CD1C: variants seen among roughly 807,000 people sequenced by gnomAD.
CD1C encodes the protein CD1c molecule.
A neutral mutation model predicts 39.4 loss-of-function variants in CD1C; 47 were observed. The ratio of observed to expected loss-of-function variants is 1.19; its 90% CI spans 0.94 to 1.52. The LOEUF (loss-of-function observed/expected upper bound fraction) is 1.52. Among genes scored for constraint, CD1C ranks in the 40% most tolerant of loss-of-function variants. The probability of loss-of-function intolerance (pLI) is 0.00; values close to 1 mark genes in which losing one functional copy is unlikely to be tolerated. For missense variants in CD1C, 417 were observed against 395.2 expected (o/e 1.06, Z -0.47); for synonymous variants, 165 against 150.8 (o/e 1.09, Z -0.69).
chr1:158,290,834 A>G (rs890923910), intron 1 of CD1C, among the ~76,000 whole-genome samples: 3 of 152,184 alleles, frequency 2.0e-5, no homozygotes, highest in African/African-American at 4.8e-5. Context: ...TGCAGATAGT[A>G]TGAACATCTC....
At position 158,294,202 on chromosome 1, in the gene CD1C, A is replaced by C. The variant is rs1241552879; in HGVS notation, c.*726A>C. On this transcript the variant is annotated 3_prime_UTR_variant, in exon 6 of 6. Transcript: ENST00000368170. ...CACAGAATACTTAAGAAAAGGAACA[A>C]GAGATTTGGTCCTCAGGGTTGGAGT... Among the ~76,000 whole-genome samples the C allele has an allele frequency of 6.6e-6, 1 of 152,236 alleles. No homozygotes were observed. The highest frequency in any genetic ancestry group is 1.5e-5 in the Non-Finnish European group (1 of 68,038).
intron 4 of CD1C, 74 bp downstream of exon 4, chr1:158,292,948 T>A: frequency 1.1e-5 from 16 of 1,435,754 alleles, no homozygotes; most frequent in Non-Finnish European, 1.5e-5. Context: ...ATTTTGAGGA[T>A]AGCAGACCTA....
chr1:158,293,362 C>A, intron 5 of CD1C, 60 bp downstream of exon 5: 1 of 1,591,534 alleles, frequency 6.3e-7, no homozygotes, highest in East Asian at 2.2e-5. Flanking sequence ...CCATTTTTCA[C>A]TCTCTTAGCT....
Position 158,291,231 on chromosome 1 carries a change from G to A in CD1C, c.159G>A (p.Leu53=). ...RGQGSGWLDE[L]QTHGWDSESG... is the part of the protein sequence containing the mutation. ...AGGGCTCAGGATGGCTGGACGAGTT[G>A]CAGACTCATGGCTGGGACAGTGAAT... Residue 53 remains leucine (L), a synonymous_variant, in exon 2 of 6, where the codon TTG becomes TTA. Coordinates refer to ENST00000368170, the MANE Select transcript of CD1C (RefSeq NM_001765.3). The A allele has an allele frequency of 6.2e-7, 1 of 1,614,058 alleles. No homozygotes were observed. Among genetic ancestry groups the A allele is most frequent in the Non-Finnish European group, 8.5e-7 (1 of 1,180,020 alleles).
chr1:158,294,555 C>A lies in CD1C; in HGVS notation c.*1079C>A, dbSNP rs1651165055. On this transcript the variant is annotated 3_prime_UTR_variant, in exon 6 of 6. Transcript: ENST00000368170. ...GTATAATTTATAGTAAAATTTGAAT[C>A]TTTAAGTGTACAGTTCTATTTATTT... 6.6e-6 allele frequency among the ~76,000 whole-genome samples: 1 copy of A among 152,056 alleles called. No individual in the cohort carries two copies. The highest frequency in any genetic ancestry group is 2.1e-4 in the South Asian group (1 of 4,820).
In CD1C at chr1:158,293,487, C is replaced by G. The variant is rs371524449; in HGVS notation, c.*11C>G. 1 of 1,614,132 alleles carries G rather than the reference C, an allele frequency of 6.2e-7. No homozygotes were observed. On this transcript the variant is annotated 3_prime_UTR_variant, in exon 6 of 6. Transcript: ENST00000368170. Reference sequence around the variant, plus strand: ...CAGGACATCCTGTGAGACTCTTCCCCCTGACTCCCCCATTGTGTTAAGAAC... The same window carrying G: ...CAGGACATCCTGTGAGACTCTTCCCGCTGACTCCCCCATTGTGTTAAGAAC...
chr1:158,290,999 TA>T, intron 1 of CD1C, 134 bp from the exon 2 acceptor site: 2 of 925,794 alleles, frequency 2.2e-6, no homozygotes, highest in African/African-American at 1.7e-5. Context: ...GGGCTCTGTG[TA>T]AGGAAAATGG....
chr1:158,294,297 C>G lies in CD1C; in HGVS notation c.*821C>G, dbSNP rs1310328682. On this transcript the variant is annotated 3_prime_UTR_variant, in exon 6 of 6. Coordinates refer to ENST00000368170, the MANE Select transcript of CD1C (RefSeq NM_001765.3). Reference sequence around the variant, plus strand: ...TAAAGGACTGTGTTATCTGAGATAGCCTTGGCTAAACTTTAGTCCCTTTAG... The same window carrying G: ...TAAAGGACTGTGTTATCTGAGATAGGCTTGGCTAAACTTTAGTCCCTTTAG... Among the ~76,000 whole-genome samples, 2 of 152,184 alleles carry G rather than the reference C, an allele frequency of 1.3e-5. No homozygotes were observed. Among genetic ancestry groups the G allele is most frequent in the South Asian group, 2.1e-4 (1 of 4,830 alleles).
In CD1C at chr1:158,293,443, G is replaced by A; in HGVS notation, c.981-12G>A. On this transcript the variant is annotated splice_polypyrimidine_tract_variant and intron_variant, in intron 5 of 5. Transcript: ENST00000368170. Reference sequence around the variant, plus strand: ...CTTATTCAGGGTTTCTCCCATTCCTGTTCCTTCACAGCTCATATCAGGACA... The same window carrying A: ...CTTATTCAGGGTTTCTCCCATTCCTATTCCTTCACAGCTCATATCAGGACA... 3.1e-6 allele frequency: 5 copies of A among 1,613,540 alleles called. No individual in the cohort carries two copies. Among genetic ancestry groups the A allele is most frequent in the Non-Finnish European group, 4.2e-6 (5 of 1,179,894 alleles).
At chr1:158,293,191 G>T in intron 4 of CD1C, 21 bp from the exon 5 acceptor site, 1 of 1,572,908 alleles carries the variant, frequency 6.4e-7, no homozygotes, top group South Asian at 1.1e-5. Context: ...TGGCATCCAT[G>T]TATCTTTCCA....
rs1385911994 is a variant in CD1C at position 158,290,105 on chromosome 1, C to A, written c.41C>A (p.Pro14Gln). 5 of 1,613,870 alleles carry A rather than the reference C, an allele frequency of 3.1e-6. No individual in the cohort carries two copies. The South Asian group carries it at 5.5e-5, about 18-fold the overall frequency. ...TTTCTGCTGCTAGCTCTTCTTCTCCCAGGTGGTGACAATGCAGACGGTAAG... is the reference window on the plus strand; with the variant it reads ...TTTCTGCTGCTAGCTCTTCTTCTCCAAGGTGGTGACAATGCAGACGGTAAG... ...LQFLLLALLLPGGDNADASQE... is the reference protein window; with the variant it reads ...LQFLLLALLLQGGDNADASQE... Residue 14 changes from proline (P) to glutamine (Q), a missense_variant, in exon 1 of 6, where the codon CCA becomes CAA. Transcript: ENST00000368170.
chr1:158,291,843 A>G (rs1651051487), intron 2 of CD1C, among the ~76,000 whole-genome samples: 1 of 152,042 alleles, frequency 6.6e-6, no homozygotes, highest in Non-Finnish European at 1.5e-5. Context: ...TGGCTCACCT[A>G]TCATTTTTCC....
intron 3 of CD1C, 26 bp downstream of exon 3, chr1:158,292,391 A>G: frequency 6.3e-7 from 1 of 1,597,580 alleles, no homozygotes; most frequent in Admixed American, 1.7e-5. Context: ...CCCTTCCTCT[A>G]AGATTTTTCT....
In CD1C at chr1:158,293,737, GC is replaced by G. The variant is rs1651139500; in HGVS notation, c.*265del. ...CCTTGACCCATACTGAACCCAGAGA[GC>G]CCCTCAACTGTTATGTGCATGCAAC... On this transcript the variant is annotated 3_prime_UTR_variant, in exon 6 of 6. Coordinates refer to ENST00000368170, the MANE Select transcript of CD1C (RefSeq NM_001765.3). 2 of 717,636 alleles carry G rather than the reference GC, an allele frequency of 2.8e-6. No individual in the cohort carries two copies. The highest frequency in any genetic ancestry group is 4.6e-6 in the Non-Finnish European group (2 of 435,054). 44.5% of individuals were successfully genotyped at this position (717,636 alleles called of 1,614,324 possible). A position where few individuals can be genotyped will look rare whatever the true frequency, so the allele number is the denominator to read the frequency against.
chr1:158,292,020 G>A, intron 2 of CD1C, 64 bp from the exon 3 acceptor site: 5 of 1,513,042 alleles, frequency 3.3e-6, no homozygotes, highest in South Asian at 1.3e-5. Context: ...ACAGCCCTAG[G>A]TTTTTATACT....
At chr1:158,293,191 G>A (rs2101661608) in intron 4 of CD1C, 21 bp from the exon 5 acceptor site, 4 of 1,572,908 alleles carry the variant, frequency 2.5e-6, no homozygotes, top group Non-Finnish European at 2.6e-6. Context: ...TGGCATCCAT[G>A]TATCTTTCCA....
chr1:158,292,642 C>T lies in CD1C; in HGVS notation c.657C>T (p.Gly219=), dbSNP rs767772289. The T allele has an allele frequency of 3.1e-6, 5 of 1,613,278 alleles. No individual in the cohort carries two copies. In the East Asian group the frequency reaches 8.9e-5, roughly 29 times the overall value. The change falls in exon 4 of 6, where the codon GGC becomes GGT. Residue 219 remains glycine (G), a synonymous_variant. Transcript: ENST00000368170. ...WLSSRPSLGS[G]QLLLVCHASG... ...CCAGTCGCCCCAGCCTTGGGTCTGG[C>T]CAGCTGTTGCTGGTTTGTCATGCCT...
rs1214523829 is a variant in CD1C, at chr1:158,292,342, G to T, written c.587G>T (p.Gly196Val). 3.1e-6 allele frequency: 5 copies of T among 1,613,924 alleles called. No individual in the cohort carries two copies. In the Middle Eastern group the frequency reaches 6.6e-4, roughly 213 times the overall value. The stretch of plus-strand genomic sequence containing the variant: ...TTTCTCTTGGGTCTCCTGGATGCAG[G>T]GAAGATGTATGTACACAGGCAAGGT... ...PRFLLGLLDA[G>V]KMYVHRQVRP... The change falls in exon 3 of 6, where the codon GGG (glycine) becomes GTG (valine). Residue 196 changes from glycine to valine, a missense_variant. Coordinates refer to ENST00000368170, the MANE Select transcript of CD1C (RefSeq NM_001765.3).
chr1:158,291,640 AC>A (rs1359597894), intron 2 of CD1C, among the ~76,000 whole-genome samples: 1 of 151,952 alleles, frequency 6.6e-6, no homozygotes, highest in Non-Finnish European at 1.5e-5. Flanking sequence ...TCTGTATCCT[AC>A]AATCCAGAGA....
Sources: gnomAD v4.1 joint callset for allele counts (sites outside exome capture counted in the v4.1 genomes callset) on GRCh38, gnomAD v4.1.1 for gene constraint, MANE v1.5 for transcripts, NCBI Gene and HGNC (gene_info 2026-07-23, HGNC 2026-07-21) for gene names.